GPHN: variants seen among roughly 807,000 people sequenced by gnomAD.
GPHN encodes the protein gephyrin.
In GPHN, 17 loss-of-function variants were observed where a neutral mutation model predicts 95.5. The observed-to-expected ratio is 0.18, with a 90% confidence interval of 0.12 to 0.27. GPHN has a LOEUF of 0.27. GPHN is among the 10% of genes least tolerant of loss of function. The probability of loss-of-function intolerance (pLI) is 1.00; values close to 1 mark genes in which losing one functional copy is unlikely to be tolerated. For synonymous variants in GPHN, 320 were observed against 322.5 expected (o/e 0.99, Z 0.08); for missense variants, 660 against 978.1 (o/e 0.67, Z 4.34).
chr14:66,833,883 T>C (rs2061683706), intron 4 of GPHN, among the ~76,000 whole-genome samples: 2 of 152,164 alleles, frequency 1.3e-5, no homozygotes, highest in Admixed American at 6.6e-5. Context: ...GCTTAGCATT[T>C]GTATAAAATT....
chr14:67,321,291 C>T, the GPHN span: 1 of 1,604,274 alleles, frequency 6.2e-7, no homozygotes. Context: ...AGGGTTTGAA[C>T]TTAGAAGGAA....
At chr14:67,682,845 T>A in the GPHN span, among the ~76,000 whole-genome samples, 1 of 152,348 alleles carries the variant, frequency 6.6e-6, no homozygotes, top group African/African-American at 2.4e-5. Context: ...CATCACCTGA[T>A]GAATGAATAA....
At chr14:66,830,332 G>C (rs1399857839) in intron 4 of GPHN, among the ~76,000 whole-genome samples, 1 of 151,886 alleles carries the variant, frequency 6.6e-6, no homozygotes, top group Non-Finnish European at 1.5e-5. Flanking sequence ...TTGCCTCATT[G>C]TTTCAATAGA....
At chr14:67,649,330 TG>T in the GPHN span, 1 of 152,120 alleles carries the variant, frequency 6.6e-6, no homozygotes, top group Non-Finnish European at 1.5e-5. Flanking sequence ...AAGACCAGCG[TG>T]GGCAACATAG....
chr14:67,431,450 A>C, the GPHN span, among the ~76,000 whole-genome samples: 1 of 142,332 alleles, frequency 7.0e-6, no homozygotes, highest in African/African-American at 2.6e-5. Context: ...GCATTTTGGG[A>C]GGCCAAAGTA....
At chr14:67,729,844 T>G in the GPHN span, 1 of 462,526 alleles carries the variant, frequency 2.2e-6, no homozygotes, top group Middle Eastern at 3.3e-4. Flanking sequence ...AAGTAGAAAT[T>G]TTAGTGCTGA....
chr14:66,800,265 T>A (rs1343462845), intron 3 of GPHN, among the ~76,000 whole-genome samples: 2 of 152,148 alleles, frequency 1.3e-5, no homozygotes, highest in Non-Finnish European at 2.9e-5. Flanking sequence ...GTTGTAATAT[T>A]CTGTATTTTT....
the GPHN span, among the ~76,000 whole-genome samples, chr14:67,702,245 A>C: frequency 6.6e-6 from 1 of 152,120 alleles, no homozygotes; most frequent in Non-Finnish European, 1.5e-5. Flanking sequence ...CTAGGATTAC[A>C]CACATGAGCC....
intron 2 of GPHN, among the ~76,000 whole-genome samples, chr14:66,684,929 T>G (rs1361773875): frequency 3.3e-5 from 5 of 152,092 alleles, no homozygotes; most frequent in Non-Finnish European, 7.4e-5. Context: ...GGCCCCAGTG[T>G]GTGATGTTCC....
intron 2 of GPHN, among the ~76,000 whole-genome samples, chr14:66,731,590 G>A (rs1403769542): frequency 1.3e-5 from 2 of 152,178 alleles, no homozygotes; most frequent in Admixed American, 1.3e-4. Flanking sequence ...TGTTTAAAAG[G>A]GAAGCAGAGC....
intron 3 of GPHN, chr14:66,823,388 A>G (rs1039688596): frequency 2.0e-5 from 3 of 152,196 alleles, no homozygotes; most frequent in African/African-American, 7.2e-5. Context: ...AGCACAGACA[A>G]TTGAAGTTTT....
At chr14:67,021,804 A>G (rs892836162) in intron 9 of GPHN, among the ~76,000 whole-genome samples, 1 of 152,078 alleles carries the variant, frequency 6.6e-6, no homozygotes, top group African/African-American at 2.4e-5. Flanking sequence ...AATAGAGGCT[A>G]CGACTTAAGA....
the GPHN span, chr14:67,503,549 G>A: frequency 6.6e-6 from 1 of 152,206 alleles, no homozygotes; most frequent in African/African-American, 2.4e-5. Context: ...GCTGCCCACT[G>A]CCCTGCGGGA....
intron 1 of GPHN, among the ~76,000 whole-genome samples, chr14:66,566,937 A>T (rs960707661): frequency 6.6e-6 from 1 of 152,190 alleles, no homozygotes; most frequent in South Asian, 2.1e-4. Context: ...GTGAAAATGT[A>T]ATACAGTAAC....
At chr14:67,532,048 G>T in the GPHN span, among the ~76,000 whole-genome samples, 1 of 152,146 alleles carries the variant, frequency 6.6e-6, no homozygotes, top group Non-Finnish European at 1.5e-5. Context: ...ACAAAATGGG[G>T]CTAATCTATC....
At chr14:67,520,928 C>T in the GPHN span, among the ~76,000 whole-genome samples, 62 of 152,320 alleles carry the variant, frequency 4.1e-4, no homozygotes, top group African/African-American at 1.3e-3. Context: ...TTTGCATTCC[C>T]ACAAGCAATG....
At chr14:66,790,276 A>G (rs1055999999) in intron 3 of GPHN, among the ~76,000 whole-genome samples, 1 of 152,184 alleles carries the variant, frequency 6.6e-6, no homozygotes, top group Non-Finnish European at 1.5e-5. Context: ...AAGACAGTTC[A>G]TGGAGGAGAG....
At chr14:66,608,049 T>TC (rs1315092051) in intron 1 of GPHN, among the ~76,000 whole-genome samples, 7 of 150,980 alleles carry the variant, frequency 4.6e-5, no homozygotes, top group African/African-American at 1.7e-4. Flanking sequence ...GGTTTTTTTT[T>TC]TTTTTCTAGT....
At chr14:66,850,947 G>A (rs2062556296) in intron 4 of GPHN, among the ~76,000 whole-genome samples, 1 of 151,890 alleles carries the variant, frequency 6.6e-6, no homozygotes, top group Non-Finnish European at 1.5e-5. Context: ...TAATATAATT[G>A]TTATGTTAAT....
Sources: allele counts gnomAD v4.1 joint callset (sites outside exome capture counted in the v4.1 genomes callset), GRCh38; gene constraint gnomAD v4.1.1; transcripts MANE v1.5; gene names NCBI Gene and HGNC (gene_info 2026-07-23, HGNC 2026-07-21).